The following SH3PXD2A variants were observed in gnomAD, a reference collection of about 807,000 sequenced individuals.
SH3PXD2A encodes SH3 and PX domains 2A, also known as SH3 and PX domain-containing protein 2A.
In SH3PXD2A, 32 loss-of-function variants were observed where a neutral mutation model predicts 115.2. The ratio of observed to expected loss-of-function variants is 0.28; its 90% CI spans 0.21 to 0.37. The LOEUF (loss-of-function observed/expected upper bound fraction) is 0.37. SH3PXD2A is among the 10% of genes least tolerant of loss of function. The pLI, the probability that SH3PXD2A is intolerant of heterozygous loss-of-function variation, is 1.00. For synonymous variants in SH3PXD2A, 610 were observed against 629.1 expected, an observed-to-expected ratio of 0.97 and a Z score of 0.45; for missense variants, 1,328 against 1,498.7, an observed-to-expected ratio of 0.89 and a Z score of 1.88.
rs535524959 is a variant in SH3PXD2A at position 103,756,971 on chromosome 10, G to A, written c.229+10123C>T. ...GCACCTTCTTCTGTCTCTAGCCTCA[G>A]CTGCCCACTTGCCCTCTCACCTCTA... On this transcript the variant is annotated intron_variant, in intron 3 of 14. Coordinates refer to ENST00000369774, the MANE Select transcript of SH3PXD2A (RefSeq NM_001394015.1). The surrounding 1 kb of genome is among the most constrained non-coding windows in gnomAD (Gnocchi z 4.4). Among the ~76,000 whole-genome samples, 1 of 152,242 alleles carries A rather than the reference G, an allele frequency of 6.6e-6. No individual in the cohort carries two copies. The highest frequency in any genetic ancestry group is 1.9e-4 in the East Asian group (1 of 5,176).
At position 103,600,560 on chromosome 10, in the gene SH3PXD2A, AAC is replaced by A. The variant is rs2036200846; in HGVS notation, c.*1254_*1255del. On this transcript the variant is annotated 3_prime_UTR_variant, in exon 15 of 15. Transcript: ENST00000369774. ...GGCTTCCAGCCCTGCCCAGCTGGGGAACACACGCAGAATGGCGGTCACCCAGC... is the reference window on the plus strand; with the variant it reads ...GGCTTCCAGCCCTGCCCAGCTGGGGAACACGCAGAATGGCGGTCACCCAGC... 6.6e-6 allele frequency: 1 copy of A among 152,200 alleles called. No individual in the cohort carries two copies. Among genetic ancestry groups the A allele is most frequent in the African/African-American group, 2.4e-5 (1 of 41,444 alleles). The allele number at this position is 152,200 out of a possible 1,614,324, so 9.4% of individuals were successfully genotyped here.
At chr10:103,641,237 T>C (rs1169215230) in intron 8 of SH3PXD2A, among the ~76,000 whole-genome samples, 6 of 152,156 alleles carry the variant, frequency 3.9e-5, no homozygotes, top group Non-Finnish European at 8.8e-5. Context: ...AAGGGCAATA[T>C]CAATTTTAAC....
At chr10:103,837,615 G>A (rs1399636176) in intron 1 of SH3PXD2A, among the ~76,000 whole-genome samples, 1 of 152,212 alleles carries the variant, frequency 6.6e-6, no homozygotes, top group African/African-American at 2.4e-5. Context: ...CTGGGGCACT[G>A]CAGGTGAACT....
At chr10:103,840,535 C>T (rs116481382) in intron 1 of SH3PXD2A, among the ~76,000 whole-genome samples, 489 of 152,336 alleles carry the variant, frequency 3.2e-3, no homozygotes, top group African/African-American at 0.011. Context: ...GTGTCCTGAA[C>T]GTAAGGTCTA....
At chr10:103,796,716 ACCCTCGC>A (rs1212775278) in intron 2 of SH3PXD2A, among the ~76,000 whole-genome samples, 1 of 151,830 alleles carries the variant, frequency 6.6e-6, no homozygotes, top group Non-Finnish European at 1.5e-5. Context: ...TTCTACTTCC[ACCCTCGC>A]CTCTCACACT....
At chr10:103,645,949 C>G (rs140138650) in intron 8 of SH3PXD2A, among the ~76,000 whole-genome samples, 3 of 152,216 alleles carry the variant, frequency 2.0e-5, no homozygotes, top group East Asian at 3.8e-4. Flanking sequence ...TGTGGATGAC[C>G]TGAACCGTCT....
At chr10:103,616,908 G>C (rs995641753) in intron 11 of SH3PXD2A, among the ~76,000 whole-genome samples, 1 of 152,276 alleles carries the variant, frequency 6.6e-6, no homozygotes, top group East Asian at 1.9e-4. Flanking sequence ...AGCTCTCTTG[G>C]CAGATACGTG....
intron 8 of SH3PXD2A, among the ~76,000 whole-genome samples, chr10:103,646,708 C>A (rs1325424904): frequency 6.6e-6 from 1 of 152,222 alleles, no homozygotes; most frequent in Non-Finnish European, 1.5e-5. Context: ...CTGTTCACCT[C>A]TGTGCATCAG....
intron 5 of SH3PXD2A, among the ~76,000 whole-genome samples, chr10:103,702,583 G>T (rs2134146099): frequency 6.9e-6 from 1 of 145,746 alleles, no homozygotes; most frequent in African/African-American, 2.6e-5. Flanking sequence ...ACAGATGTAA[G>T]CCTGTGTGTG....
chr10:103,745,049 T>A (rs867796820), intron 3 of SH3PXD2A, among the ~76,000 whole-genome samples: 4 of 152,220 alleles, frequency 2.6e-5, no homozygotes, highest in Admixed American at 1.3e-4. Context: ...CCCACATTGG[T>A]CCAGTGGGAA....
chr10:103,628,296 C>T (rs2036727879), intron 8 of SH3PXD2A, among the ~76,000 whole-genome samples: 1 of 152,234 alleles, frequency 6.6e-6, no homozygotes, highest in African/African-American at 2.4e-5. Flanking sequence ...CCCCACATGA[C>T]AGGTCTGGGC....
At chr10:103,808,284 C>G (rs2039228217) in intron 1 of SH3PXD2A, among the ~76,000 whole-genome samples, 1 of 151,414 alleles carries the variant, frequency 6.6e-6, no homozygotes, top group African/African-American at 2.4e-5. Context: ...CAGGGTCTGG[C>G]TCTGTCACCC....
Position 103,612,886 on chromosome 10 carries a change from C to T in SH3PXD2A, c.1225G>A (p.Val409Met), listed in dbSNP as rs1234327195. 1.3e-6 allele frequency: 2 copies of T among 1,592,386 alleles called. No individual in the cohort carries two copies. Among genetic ancestry groups the T allele is most frequent in the Non-Finnish European group, 1.7e-6 (2 of 1,170,696 alleles). ...VSRLAQGSPAVARIAPQRAQI... is the reference protein window; with the variant it reads ...VSRLAQGSPAMARIAPQRAQI... ...GCCCGCTGAGGGGCAATCCTGGCCA[C>T]AGCTGGAGAGCCCTGGGCCAGCCTG... Residue 409 changes from valine (V) to methionine (M), a missense_variant, in exon 12 of 15, where the codon GTG becomes ATG. Physicochemically the swap from Val to Met is conservative, Grantham distance 21 (BLOSUM62 1). Coordinates refer to ENST00000369774, the MANE Select transcript of SH3PXD2A (RefSeq NM_001394015.1).
chr10:103,623,108 C>A (rs2036632599), intron 9 of SH3PXD2A, among the ~76,000 whole-genome samples: 1 of 152,166 alleles, frequency 6.6e-6, no homozygotes, highest in Non-Finnish European at 1.5e-5. Flanking sequence ...ATTCTGGGAA[C>A]CCTTCCCTGT....
At chr10:103,668,544 G>A (rs1237047916) in intron 7 of SH3PXD2A, 64 bp downstream of exon 7, 12 of 1,394,472 alleles carry the variant, frequency 8.6e-6, no homozygotes, top group East Asian at 2.5e-5. Context: ...TGCAGGCACC[G>A]GCTCCCGCGC....
rs1367786998 is a variant in SH3PXD2A, at chr10:103,660,981, ACCGCTCT to A, written c.599_604+1del. The A allele has an allele frequency of 6.2e-7, 1 of 1,613,578 alleles. No homozygotes were observed. The highest frequency in any genetic ancestry group is 8.5e-7 in the Non-Finnish European group (1 of 1,179,818). On this transcript the variant is annotated splice_donor_variant and coding_sequence_variant, in exon 8 of 15. Transcript: ENST00000369774. LOFTEE classifies it high-confidence loss of function. ...TGGACGGCCATTGGCCAGGGCACTC[ACCGCTCT>A]CGTTCTTCTCGATGACATCCACCAC... is the stretch of plus-strand genomic sequence containing the variant.
chr10:103,855,201 C>T lies in SH3PXD2A; in HGVS notation c.66G>A (p.Lys22=), dbSNP rs2134337171. The change falls in exon 1 of 15, where the codon AAG becomes AAA. Residue 22 remains lysine, a synonymous_variant. Transcript: ENST00000369774. ...VDVEKRRNPS[K]HYVYIINVTW... is the part of the protein sequence containing the mutation. The stretch of plus-strand genomic sequence containing the variant: ...CGGCGGGGGCTGTACTCACGTAGTG[C>T]TTGGAGGGGTTCCTCCGCTTCTCCA... 1 of 1,537,690 alleles carries T rather than the reference C, an allele frequency of 6.5e-7. No individual in the cohort carries two copies.
chr10:103,695,086 A>G (rs1043022554), intron 5 of SH3PXD2A, among the ~76,000 whole-genome samples: 2 of 152,054 alleles, frequency 1.3e-5, no homozygotes, highest in Admixed American at 6.5e-5. Context: ...ACTGAGGGCT[A>G]CTGGGGAAGG....
intron 1 of SH3PXD2A, among the ~76,000 whole-genome samples, chr10:103,803,281 C>G (rs991922858): frequency 6.6e-6 from 1 of 151,972 alleles, no homozygotes; most frequent in East Asian, 1.9e-4. Flanking sequence ...AAAAGGCCAC[C>G]CCTATCTTCA....
Sources: allele counts gnomAD v4.1 joint callset (sites outside exome capture counted in the v4.1 genomes callset), GRCh38; gene constraint gnomAD v4.1.1; non-coding constraint Gnocchi (gnomAD v3.1); transcripts MANE v1.5; gene names NCBI Gene and HGNC (gene_info 2026-07-23, HGNC 2026-07-21).